DCAF6: variants seen among roughly 807,000 people sequenced by gnomAD.
The protein encoded by DCAF6 is DDB1- and CUL4-associated factor 6.
DCAF6 carries 54 observed loss-of-function variants against 125.1 expected under a neutral mutation model. That is an observed-to-expected ratio of 0.43 (90% confidence interval 0.35 to 0.54). DCAF6 has a LOEUF of 0.54. Ranked by LOEUF, DCAF6 falls within the 20% of genes least tolerant of loss-of-function variation. DCAF6 has a pLI of 0.01. For missense variants in DCAF6, 934 were observed against 1,161.7 expected, an observed-to-expected ratio of 0.80 and a Z score of 2.85; for synonymous variants, 371 against 390.4, an observed-to-expected ratio of 0.95 and a Z score of 0.58.
At chr1:167,977,751 C>T (rs893579154) in intron 4 of DCAF6, among the ~76,000 whole-genome samples, 3 of 151,970 alleles carry the variant, frequency 2.0e-5, no homozygotes, top group African/African-American at 7.2e-5. Context: ...CTTATTAGAC[C>T]TTATTCCATC....
At position 168,063,544 on chromosome 1, in the gene DCAF6, A is replaced by G. The variant is rs189452794; in HGVS notation, c.2301-77A>G. On this transcript the variant is annotated intron_variant, in intron 17 of 21. Coordinates refer to ENST00000367840, the MANE Select transcript of DCAF6 (RefSeq NM_001198956.2). ...TGTTTATGTATTTCCTAGACTTACT[A>G]TATTTTCATAAGTTTCTCATTATTC... 2.2e-4 allele frequency: 278 copies of G among 1,243,430 alleles called. No individual in the cohort carries two copies. The African/African-American group carries it at 3.6e-3, about 16-fold the overall frequency. 77.0% of individuals were successfully genotyped at this position (1,243,430 alleles called of 1,614,324 possible). A position where few individuals can be genotyped will look rare whatever the true frequency, so the allele number is the denominator to read the frequency against.
At position 168,044,613 on chromosome 1, in the gene DCAF6, G is replaced by T; in HGVS notation, c.1872G>T (p.Val624=). Residue 624 remains valine (V), a synonymous_variant, in exon 15 of 22, where the codon GTG becomes GTT. Transcript: ENST00000367840. Reference sequence around the variant, plus strand: ...CTCCTGAAGAATCATCAGAGGATGTGACAAAATATCAGGAAGGAGTATCTG... The same window carrying T: ...CTCCTGAAGAATCATCAGAGGATGTTACAAAATATCAGGAAGGAGTATCTG... ...TKAPEESSED[V]TKYQEGVSAE... 1 of 1,613,074 alleles carries T rather than the reference G, an allele frequency of 6.2e-7. No homozygotes were observed. Among genetic ancestry groups the T allele is most frequent in the Non-Finnish European group, 8.5e-7 (1 of 1,179,226 alleles).
chr1:167,925,461 A>G, the DCAF6 span, among the ~76,000 whole-genome samples: 5 of 114,286 alleles, frequency 4.4e-5, no homozygotes, highest in African/African-American at 2.0e-4. Context: ...ATATATATAT[A>G]TATATATATA....
At chr1:167,931,972 G>A (rs1026591807), upstream of DCAF6, among the ~76,000 whole-genome samples, 1 of 152,150 alleles carries the variant, frequency 6.6e-6, no homozygotes, top group Non-Finnish European at 1.5e-5. Context: ...TGAGTCTTCA[G>A]AGGGAACCCA....
chr1:167,948,643 C>G (rs1202597289), intron 1 of DCAF6, among the ~76,000 whole-genome samples: 9 of 151,948 alleles, frequency 5.9e-5, no homozygotes. Context: ...AATACATTCA[C>G]CATGTGTTAT....
At chr1:167,974,303 A>C (rs964555775) in intron 3 of DCAF6, among the ~76,000 whole-genome samples, 2 of 152,194 alleles carry the variant, frequency 1.3e-5, no homozygotes, top group African/African-American at 4.8e-5. Flanking sequence ...CAAATTATAC[A>C]AATATTAAAA....
chr1:168,065,722 C>G lies in DCAF6; in HGVS notation c.2572C>G (p.Leu858Val). 6.2e-7 allele frequency: 1 copy of G among 1,612,426 alleles called. No individual in the cohort carries two copies. The highest frequency in any genetic ancestry group is 8.5e-7 in the Non-Finnish European group (1 of 1,179,050). The part of the protein sequence containing the change: ...LEADNHVVNC[L>V]QPHPFDPILA... The stretch of plus-strand genomic sequence containing the variant: ...AGCTGATAATCATGTGGTAAACTGC[C>G]TGCAGCCACATCCGTTTGACCCAAG... Residue 858 changes from leucine to valine, a missense_variant, in exon 19 of 22, where the codon CTG becomes GTG. Leu to Val is a conservative substitution (Grantham distance 32). Around this residue, in one of 5 missense-constraint regions of DCAF6, gnomAD observed 27 missense variants for 85.1 expected, o/e 0.32. Transcript: ENST00000367840.
At chr1:168,011,111 A>ATTTTTTTTTTTT (rs370763073) in intron 10 of DCAF6, among the ~76,000 whole-genome samples, 1 of 110,360 alleles carries the variant, frequency 9.1e-6, no homozygotes, top group African/African-American at 3.6e-5. Context: ...GACCATCAGA[A>ATTTTTTTTTTTT]TTTTTTTTTT....
At chr1:167,908,848 C>T in the DCAF6 span, among the ~76,000 whole-genome samples, 1 of 152,150 alleles carries the variant, frequency 6.6e-6, no homozygotes, top group Non-Finnish European at 1.5e-5. Context: ...AAATCAAATG[C>T]ATAAGCACGA....
At position 167,987,195 on chromosome 1, in the gene DCAF6, TA is replaced by T. The variant is rs528573167; in HGVS notation, c.439-299del. 2.1e-3 allele frequency among the ~76,000 whole-genome samples: 316 copies of T among 152,322 alleles called. 2 individuals carry two copies. The highest frequency in any genetic ancestry group is 7.1e-3 in the African/African-American group (295 of 41,582). On this transcript the variant is annotated intron_variant, in intron 4 of 21. Transcript: ENST00000367840. ...CTTTGAATAGTTTGAACAAGCTACCTAGGGGAGAATCATTCTTCCCTAGTTG... is the reference window on the plus strand; with the variant it reads ...CTTTGAATAGTTTGAACAAGCTACCTGGGGAGAATCATTCTTCCCTAGTTG...
chr1:168,054,691 C>T (rs1322085795), intron 17 of DCAF6, among the ~76,000 whole-genome samples: 2 of 152,088 alleles, frequency 1.3e-5, no homozygotes, highest in East Asian at 3.8e-4. Context: ...TTCAGCTTCA[C>T]CCTGTCTGAA....
chr1:168,013,006 C>T (rs1266576906), intron 10 of DCAF6, among the ~76,000 whole-genome samples: 2 of 152,080 alleles, frequency 1.3e-5, no homozygotes, highest in Non-Finnish European at 2.9e-5. Flanking sequence ...TGGTATTTTT[C>T]TGCTTTTTTA....
At chr1:168,066,128 T>G (rs149408478) in intron 19 of DCAF6, among the ~76,000 whole-genome samples, 1 of 152,094 alleles carries the variant, frequency 6.6e-6, no homozygotes, top group African/African-American at 2.4e-5. Flanking sequence ...TGCCCACATA[T>G]CTCATAAAAG....
At chr1:167,888,749 G>A in the DCAF6 span, among the ~76,000 whole-genome samples, 1 of 151,804 alleles carries the variant, frequency 6.6e-6, no homozygotes, top group African/African-American at 2.4e-5. Context: ...GGTGGCGGGC[G>A]CCTGTGGTCC....
At chr1:168,040,725 T>C (rs1688418808) in intron 13 of DCAF6, among the ~76,000 whole-genome samples, 1 of 151,554 alleles carries the variant, frequency 6.6e-6, no homozygotes, top group Non-Finnish European at 1.5e-5. Flanking sequence ...TGGGCTTTTT[T>C]TTTTTTTAGA....
chr1:167,875,209 A>C, the DCAF6 span: 1 of 1,612,006 alleles, frequency 6.2e-7, no homozygotes, highest in Non-Finnish European at 8.5e-7. Flanking sequence ...ACAAAAGAAC[A>C]GATGCTAGAT....
chr1:168,001,598 G>T (rs1171752460), intron 7 of DCAF6, among the ~76,000 whole-genome samples: 1 of 152,084 alleles, frequency 6.6e-6, no homozygotes, highest in Admixed American at 6.5e-5. Flanking sequence ...GCAAGAGAAA[G>T]GACTGTAGCT....
At chr1:167,986,434 C>T (rs1239965453) in intron 4 of DCAF6, among the ~76,000 whole-genome samples, 13 of 152,238 alleles carry the variant, frequency 8.5e-5, no homozygotes, top group East Asian at 3.9e-4. Context: ...TATATTTCCT[C>T]GATGGCTGAG....
chr1:167,865,238 T>C, the DCAF6 span, among the ~76,000 whole-genome samples: 1 of 152,176 alleles, frequency 6.6e-6, no homozygotes, highest in Non-Finnish European at 1.5e-5. Context: ...CATTAAAAGG[T>C]TAAAAAAATT....
Sources: allele counts gnomAD v4.1 joint callset (sites outside exome capture counted in the v4.1 genomes callset), GRCh38; gene constraint gnomAD v4.1.1; regional missense constraint gnomAD v4.1.1; transcripts MANE v1.5; gene names NCBI Gene and HGNC (gene_info 2026-07-23, HGNC 2026-07-21).